CTIF: variants seen among roughly 807,000 people sequenced by gnomAD.
The protein encoded by CTIF is CBP80/20-dependent translation initiation factor.
In CTIF, 21 loss-of-function variants were observed where a neutral mutation model predicts 66.0. That is an observed-to-expected ratio of 0.32 (90% CI 0.23 to 0.46). The LOEUF is 0.46. Among genes scored for constraint, CTIF ranks in the 20% least tolerant of loss-of-function variants. The pLI is 1.00. For missense variants in CTIF, 739 were observed against 812.7 expected, an observed-to-expected ratio of 0.91 and a Z score of 1.10; for synonymous variants, 345 against 326.4, an observed-to-expected ratio of 1.06 and a Z score of -0.62.
chr18:48,735,797 A>G (rs973046036), intron 7 of CTIF, among the ~76,000 whole-genome samples: 1 of 152,138 alleles, frequency 6.6e-6, no homozygotes, highest in African/African-American at 2.4e-5. Context: ...GTCTGGTGAG[A>G]AGGAGGAGGC....
chr18:48,554,530 A>T (rs745771960), intron 1 of CTIF, among the ~76,000 whole-genome samples: 1 of 152,236 alleles, frequency 6.6e-6, no homozygotes, highest in Non-Finnish European at 1.5e-5. Flanking sequence ...GGTTGTGGGG[A>T]TAGGGCTGAA....
chr18:48,830,546 C>T (rs2068668594), intron 10 of CTIF, among the ~76,000 whole-genome samples: 1 of 152,136 alleles, frequency 6.6e-6, no homozygotes, highest in Non-Finnish European at 1.5e-5. Context: ...CCCCAAAAAA[C>T]AAAGACATGA....
At chr18:48,706,534 G>A (rs1367209393) in intron 6 of CTIF, among the ~76,000 whole-genome samples, 2 of 152,138 alleles carry the variant, frequency 1.3e-5, no homozygotes, top group African/African-American at 4.8e-5. Flanking sequence ...TCATCACAGG[G>A]CAAGGCCTCG....
intron 1 of CTIF, among the ~76,000 whole-genome samples, chr18:48,584,778 T>C (rs1294572850): frequency 6.6e-6 from 1 of 152,242 alleles, no homozygotes; most frequent in African/African-American, 2.4e-5. Context: ...CTGTGCCATT[T>C]TGTTTACAAA....
chr18:48,818,820 G>A (rs553494256), intron 10 of CTIF, among the ~76,000 whole-genome samples: 9 of 152,230 alleles, frequency 5.9e-5, no homozygotes, highest in Non-Finnish European at 1.3e-4. Flanking sequence ...ACAGAAAAGT[G>A]TCCTGGGTTT....
intron 10 of CTIF, among the ~76,000 whole-genome samples, chr18:48,855,141 T>C (rs1314233665): frequency 6.6e-6 from 1 of 152,214 alleles, no homozygotes; most frequent in African/African-American, 2.4e-5. Flanking sequence ...TTGGTAGATC[T>C]GTGCTGCTTT....
At chr18:48,715,647 C>A (rs1227698784) in intron 7 of CTIF, among the ~76,000 whole-genome samples, 1 of 152,184 alleles carries the variant, frequency 6.6e-6, no homozygotes, top group Non-Finnish European at 1.5e-5. Flanking sequence ...GATATTTTCT[C>A]TCCCCACCAC....
intron 7 of CTIF, among the ~76,000 whole-genome samples, chr18:48,721,052 G>A (rs11082695): frequency 0.19 from 28,751 of 152,182 alleles, 2,952 homozygotes; most frequent in South Asian, 0.37. Flanking sequence ...GGAACCCCCT[G>A]TGCCCACCAG....
chr18:48,611,477 C>T (rs567893974), intron 1 of CTIF, among the ~76,000 whole-genome samples: 11 of 152,370 alleles, frequency 7.2e-5, no homozygotes, highest in Admixed American at 3.9e-4. Flanking sequence ...GGGGACTCCA[C>T]CCATTTCTAG....
chr18:48,778,377 G>A (rs1418900300), intron 9 of CTIF, among the ~76,000 whole-genome samples: 1 of 152,214 alleles, frequency 6.6e-6, no homozygotes, highest in South Asian at 2.1e-4. Context: ...ATGTGAGCAG[G>A]TCAGTCACAA....
chr18:48,761,754 T>A lies in CTIF; in HGVS notation c.1371+65T>A. On this transcript the variant is annotated intron_variant, in intron 9 of 11. Coordinates refer to ENST00000256413, the MANE Select transcript of CTIF (RefSeq NM_014772.3). This position sits in a 1 kb window ranked among gnomAD's most constrained non-coding sequence, Gnocchi z 4.2. ...CCCTCTGCGTTCGGTGAGTTATTCCTAGCGAGAAGGCTGCGAGTTCTGGCC... is the reference window on the plus strand; with the variant it reads ...CCCTCTGCGTTCGGTGAGTTATTCCAAGCGAGAAGGCTGCGAGTTCTGGCC... 6.8e-7 allele frequency: 1 copy of A among 1,472,622 alleles called. No homozygotes were observed. Among genetic ancestry groups the A allele is most frequent in the Non-Finnish European group, 9.3e-7 (1 of 1,078,266 alleles). The allele number at this position is 1,472,622 out of a possible 1,614,324, so 91.2% of individuals were successfully genotyped here.
At chr18:48,794,520 G>A (rs1272343125) in intron 9 of CTIF, among the ~76,000 whole-genome samples, 1 of 152,208 alleles carries the variant, frequency 6.6e-6, no homozygotes, top group African/African-American at 2.4e-5. Flanking sequence ...CACAGATGGG[G>A]TGGCTCTGGC....
At chr18:48,593,385 TC>T (rs1235492945) in intron 1 of CTIF, among the ~76,000 whole-genome samples, 1 of 150,958 alleles carries the variant, frequency 6.6e-6, no homozygotes, top group Non-Finnish European at 1.5e-5. Flanking sequence ...CTTTTTTTTT[TC>T]TTTTTTTTTT....
chr18:48,577,972 C>G (rs910087743), intron 1 of CTIF, among the ~76,000 whole-genome samples: 1 of 152,244 alleles, frequency 6.6e-6, no homozygotes, highest in Non-Finnish European at 1.5e-5. Context: ...ATTACCATAA[C>G]TCTCATTTTT....
intron 7 of CTIF, among the ~76,000 whole-genome samples, chr18:48,713,277 TG>T (rs979158976): frequency 1.3e-5 from 2 of 152,104 alleles, no homozygotes; most frequent in African/African-American, 4.8e-5. Flanking sequence ...AGTGTGTGTC[TG>T]GGAGGTGTGG....
chr18:48,657,623 G>A (rs1274722736), intron 3 of CTIF, among the ~76,000 whole-genome samples: 2 of 152,136 alleles, frequency 1.3e-5, no homozygotes, highest in Non-Finnish European at 2.9e-5. Flanking sequence ...TGCAGGGTAC[G>A]TGCTGTGAAC....
At chr18:48,785,617 C>T (rs1245984948) in intron 9 of CTIF, among the ~76,000 whole-genome samples, 1 of 151,998 alleles carries the variant, frequency 6.6e-6, no homozygotes, top group Non-Finnish European at 1.5e-5. Context: ...GAGACCAAAC[C>T]CAGGGGAAGG....
At chr18:48,843,381 C>T (rs1479837739) in intron 10 of CTIF, among the ~76,000 whole-genome samples, 2 of 152,116 alleles carry the variant, frequency 1.3e-5, no homozygotes, top group Non-Finnish European at 2.9e-5. Flanking sequence ...CATCCTGTTC[C>T]CTGCGGAGTG....
chr18:48,692,450 A>G (rs1315997701), intron 6 of CTIF: 3 of 152,046 alleles, frequency 2.0e-5, no homozygotes, highest in African/African-American at 7.2e-5. Context: ...TCTCCCATCC[A>G]TCAAAATCTC....
Sources: gnomAD v4.1 joint callset for allele counts (sites outside exome capture counted in the v4.1 genomes callset) on GRCh38, gnomAD v4.1.1 for gene constraint, Gnocchi (gnomAD v3.1) non-coding constraint, MANE v1.5 for transcripts, NCBI Gene and HGNC (gene_info 2026-07-23, HGNC 2026-07-21) for gene names.